Variants in LARGE1 observed in about 807,000 individuals in gnomAD.
LARGE1 encodes LARGE xylosyl- and glucuronyltransferase 1, also known as xylosyl- and glucuronyltransferase LARGE1.
Under a neutral mutation model 87.6 loss-of-function variants are expected in LARGE1, and 43 were observed. The observed-to-expected ratio is 0.49, with a 90% CI of 0.38 to 0.63. The LOEUF is 0.63. Ranked by LOEUF, LARGE1 falls within the 30% of genes least tolerant of loss-of-function variation. The pLI, the probability that LARGE1 is intolerant of heterozygous loss-of-function variation, is 0.00. For missense variants in LARGE1, 802 were observed against 1,000.2 expected, an observed-to-expected ratio of 0.80 and a Z score of 2.67; for synonymous variants, 434 against 394.6, an observed-to-expected ratio of 1.10 and a Z score of -1.18.
chr22:33,778,823 G>C (rs948537176), intron 1 of LARGE1, among the ~76,000 whole-genome samples: 27 of 152,228 alleles, frequency 1.8e-4, no homozygotes, highest in Admixed American at 1.8e-3. Flanking sequence ...GCTGATTTTT[G>C]TATTTTTAGT....
intron 7 of LARGE1, among the ~76,000 whole-genome samples, chr22:33,385,932 A>T (rs1295146656): frequency 6.7e-6 from 1 of 148,926 alleles, no homozygotes; most frequent in Admixed American, 6.7e-5. Flanking sequence ...TCACATACAA[A>T]TGTCAACTCT....
chr22:33,725,057 G>A (rs1023922226), intron 2 of LARGE1: 1 of 152,988 alleles, frequency 6.5e-6, no homozygotes, highest in Admixed American at 6.5e-5. Flanking sequence ...TCCCAGAAGC[G>A]GGGCCAGGGC....
chr22:33,311,846 T>C (rs1935631260), intron 11 of LARGE1, among the ~76,000 whole-genome samples: 1 of 152,190 alleles, frequency 6.6e-6, no homozygotes. Flanking sequence ...AACAGGACCC[T>C]ATGAGGCAAG....
intron 6 of LARGE1, among the ~76,000 whole-genome samples, chr22:33,497,863 C>T (rs1332020307): frequency 6.6e-6 from 1 of 152,022 alleles, no homozygotes; most frequent in East Asian, 1.9e-4. Flanking sequence ...TTACAGAGTG[C>T]TTACTTTTCA....
Position 33,371,707 on chromosome 22 carries a change from G to A in LARGE1, c.1131+10212C>T, listed in dbSNP as rs544129180. Among the ~76,000 whole-genome samples the A allele has an allele frequency of 5.9e-5, 9 of 152,222 alleles. No homozygotes were observed. The South Asian group carries it at 8.3e-4, about 14-fold the overall frequency. On this transcript the variant is annotated intron_variant, in intron 9 of 14. Coordinates refer to ENST00000397394, the MANE Select transcript of LARGE1 (RefSeq NM_133642.5). ...AATGTAAATGGAGTAAATGTTTGCC[G>A]GGCGCGGTGGCTCACGCCTATAATC...
At chr22:33,543,881 C>T (rs913345491) in intron 6 of LARGE1, among the ~76,000 whole-genome samples, 3 of 152,180 alleles carry the variant, frequency 2.0e-5, no homozygotes, top group African/African-American at 7.2e-5. Flanking sequence ...CATCTGAGAA[C>T]TGGGGTTTTG....
chr22:33,117,669 G>A, the LARGE1 span, among the ~76,000 whole-genome samples: 7 of 152,092 alleles, frequency 4.6e-5, no homozygotes, highest in Non-Finnish European at 8.8e-5. Context: ...TGAGGACTTC[G>A]AAAATAAAAC....
At chr22:33,455,732 C>T (rs563083486) in intron 6 of LARGE1, among the ~76,000 whole-genome samples, 9 of 123,456 alleles carry the variant, frequency 7.3e-5, no homozygotes, top group African/African-American at 2.2e-4. Flanking sequence ...CCAGCCTAGG[C>T]GACTGAGTGA....
At position 33,274,057 on chromosome 22, in the gene LARGE1, C is replaced by T. The variant is rs1414709259; in HGVS notation, c.*370G>A. 1 of 405,924 alleles carries T rather than the reference C, an allele frequency of 2.5e-6. No homozygotes were observed. The highest frequency in any genetic ancestry group is 2.0e-5 in the African/African-American group (1 of 49,862). The allele number at this position is 405,924 out of a possible 1,614,324, so 25.1% of individuals were successfully genotyped here. ...TAGAACCCTGACTTCCCTTTCTCCC[C>T]AGTTATGATGGGAAGCATAATTATT... is the stretch of plus-strand genomic sequence containing the variant. On this transcript the variant is annotated 3_prime_UTR_variant, in exon 15 of 15. Coordinates refer to ENST00000397394, the MANE Select transcript of LARGE1 (RefSeq NM_133642.5).
At chr22:33,721,974 G>A (rs1326380162) in intron 2 of LARGE1, among the ~76,000 whole-genome samples, 4 of 152,196 alleles carry the variant, frequency 2.6e-5, no homozygotes, top group African/African-American at 9.6e-5. Context: ...TTTGTTGGCT[G>A]AGCGCAGTGG....
chr22:33,265,274 A>G (rs1927870988), intron 11 of LARGE1, among the ~76,000 whole-genome samples: 1 of 152,110 alleles, frequency 6.6e-6, no homozygotes, highest in African/African-American at 2.4e-5. Context: ...AATCCTGGTA[A>G]GTCAGTTTAG....
At chr22:33,158,012 T>C (rs963149174), downstream of LARGE1, among the ~76,000 whole-genome samples, 32 of 152,156 alleles carry the variant, frequency 2.1e-4, no homozygotes, top group Non-Finnish European at 3.8e-4. Flanking sequence ...ATGCAAAATA[T>C]ATTCTTCATT....
chr22:33,152,804 G>T, the LARGE1 span, among the ~76,000 whole-genome samples: 1 of 152,070 alleles, frequency 6.6e-6, no homozygotes, highest in East Asian at 1.9e-4. Flanking sequence ...TTACACATAT[G>T]TTAGTTCTTT....
At position 33,920,461 on chromosome 22, in the gene LARGE1, G is replaced by A. The variant is rs2065913853; in HGVS notation, c.-549C>T. 3 of 147,374 alleles carry A rather than the reference G, an allele frequency of 2.0e-5. No individual in the cohort carries two copies. In the South Asian group the frequency reaches 6.2e-4, roughly 31 times the overall value. 9.1% of individuals were successfully genotyped at this position (147,374 alleles called of 1,614,324 possible). ...GGCGCCCGGGCTCCGGCGCGGCGGCGGGGCAGGAGCAGACTGGCCGGGCCG... is the reference window on the plus strand; with the variant it reads ...GGCGCCCGGGCTCCGGCGCGGCGGCAGGGCAGGAGCAGACTGGCCGGGCCG... On this transcript the variant is annotated 5_prime_UTR_variant, in exon 1 of 15. Coordinates refer to ENST00000397394, the MANE Select transcript of LARGE1 (RefSeq NM_133642.5).
the LARGE1 span, among the ~76,000 whole-genome samples, chr22:33,113,873 C>CTT: frequency 2.8e-5 from 4 of 140,356 alleles, no homozygotes; most frequent in Non-Finnish European, 4.7e-5. Context: ...TAGGGATTTT[C>CTT]TTTTTTTTTT....
chr22:33,728,682 G>A (rs960674406), intron 2 of LARGE1, among the ~76,000 whole-genome samples: 1 of 151,676 alleles, frequency 6.6e-6, no homozygotes, highest in Non-Finnish European at 1.5e-5. Context: ...GGCAATGCCT[G>A]TTAGGCAGGT....
intron 1 of LARGE1, among the ~76,000 whole-genome samples, chr22:33,880,755 G>A (rs547217469): frequency 6.6e-6 from 1 of 152,222 alleles, no homozygotes; most frequent in Non-Finnish European, 1.5e-5. Flanking sequence ...AATTCATATG[G>A]ATATTTTCAT....
chr22:33,880,087 T>C (rs560550904), intron 1 of LARGE1, among the ~76,000 whole-genome samples: 9 of 152,342 alleles, frequency 5.9e-5, no homozygotes, highest in Non-Finnish European at 8.8e-5. Flanking sequence ...TTGTCACCTC[T>C]CCATTTTTAT....
intron 12 of LARGE1, among the ~76,000 whole-genome samples, chr22:33,284,046 A>G (rs1931039719): frequency 6.6e-6 from 1 of 152,082 alleles, no homozygotes; most frequent in African/African-American, 2.4e-5. Flanking sequence ...CGAGACAGAG[A>G]ACTTGGTCTT....
Sources: allele counts gnomAD v4.1 joint callset (sites outside exome capture counted in the v4.1 genomes callset), GRCh38; gene constraint gnomAD v4.1.1; transcripts MANE v1.5; gene names NCBI Gene and HGNC (gene_info 2026-07-23, HGNC 2026-07-21).